Variants in CTNNA2 observed in about 807,000 individuals in gnomAD.
CTNNA2 encodes catenin alpha-2.
In CTNNA2, 42 loss-of-function variants were observed where a neutral mutation model predicts 101.0. The observed-to-expected ratio is 0.42, with a 90% CI of 0.32 to 0.54. CTNNA2 has a LOEUF of 0.54. CTNNA2 is among the 20% of genes least tolerant of loss of function. The probability of loss-of-function intolerance (pLI) is 0.14; values close to 1 mark genes in which losing one functional copy is unlikely to be tolerated. For missense variants in CTNNA2, 871 were observed against 1,223.1 expected, an observed-to-expected ratio of 0.71 and a Z score of 4.29; for synonymous variants, 450 against 456.4, an observed-to-expected ratio of 0.99 and a Z score of 0.18.
chr2:79,934,042 G>A (rs1242974254), intron 7 of CTNNA2, among the ~76,000 whole-genome samples: 1 of 152,108 alleles, frequency 6.6e-6, no homozygotes, highest in African/African-American at 2.4e-5. Flanking sequence ...GCACTAAGCT[G>A]TAACTATAAA....
At chr2:79,550,951 G>A (rs1266613914) in intron 1 of CTNNA2, among the ~76,000 whole-genome samples, 7 of 152,182 alleles carry the variant, frequency 4.6e-5, no homozygotes, top group Admixed American at 4.6e-4. Context: ...TCACCGAAGA[G>A]TGGAGGAATA....
At chr2:79,752,468 C>T (rs1469850846) in intron 3 of CTNNA2, among the ~76,000 whole-genome samples, 1 of 152,092 alleles carries the variant, frequency 6.6e-6, no homozygotes, top group African/African-American at 2.4e-5. Flanking sequence ...TTTCAGGAAG[C>T]CACAAGGGCA....
intron 1 of CTNNA2, among the ~76,000 whole-genome samples, chr2:79,192,028 G>A (rs76365881): frequency 0.016 from 2,474 of 152,206 alleles, 92 homozygotes; most frequent in East Asian, 0.1. Context: ...AGGGGATCCG[G>A]TCAAGGTGCG....
Position 80,604,184 on chromosome 2 carries a change from T to C in CTNNA2, c.2295+5T>C, listed in dbSNP as rs1256216436. On this transcript the variant is annotated splice_donor_5th_base_variant and intron_variant, in intron 16 of 18. Transcript: ENST00000402739. ...GCTCGTGCTGTGGCTGATCAGGTAA[T>C]AGAAGAGGGAAGGGTGGGCACATGC... 3 of 1,611,120 alleles carry C rather than the reference T, an allele frequency of 1.9e-6. No homozygotes were observed. The highest frequency in any genetic ancestry group is 2.5e-6 in the Non-Finnish European group (3 of 1,178,306).
intron 7 of CTNNA2, among the ~76,000 whole-genome samples, chr2:80,270,014 G>A (rs2149137320): frequency 6.6e-6 from 1 of 152,250 alleles, no homozygotes; most frequent in East Asian, 1.9e-4. Context: ...TATAATCAGC[G>A]CCATAAACCA....
intron 7 of CTNNA2, among the ~76,000 whole-genome samples, chr2:80,346,321 CA>C (rs1239046331): frequency 6.6e-6 from 1 of 152,024 alleles, no homozygotes; most frequent in Admixed American, 6.5e-5. Flanking sequence ...AGCTTTTACT[CA>C]TGGTAGAAGG....
At chr2:80,093,999 C>G (rs1699974191) in intron 7 of CTNNA2, among the ~76,000 whole-genome samples, 2 of 152,160 alleles carry the variant, frequency 1.3e-5, no homozygotes, top group East Asian at 1.9e-4. Flanking sequence ...TGCAGAAGCT[C>G]TTTAGTTTAA....
chr2:80,412,434 A>G (rs772239329), intron 8 of CTNNA2, among the ~76,000 whole-genome samples: 2 of 152,336 alleles, frequency 1.3e-5, no homozygotes, highest in Middle Eastern at 3.4e-3. Flanking sequence ...CCATGGCTAT[A>G]TAATGGAACA....
At chr2:79,743,855 A>T (rs1051388433) in intron 2 of CTNNA2, among the ~76,000 whole-genome samples, 1 of 152,196 alleles carries the variant, frequency 6.6e-6, no homozygotes, top group Non-Finnish European at 1.5e-5. Context: ...TTTTATTTGT[A>T]TAAGATAAAA....
chr2:80,090,187 TG>T (rs1699710392), intron 7 of CTNNA2, among the ~76,000 whole-genome samples: 1 of 143,922 alleles, frequency 6.9e-6, no homozygotes, highest in Non-Finnish European at 1.5e-5. Flanking sequence ...TGTGTGTGTG[TG>T]TTTGTGTGTA....
intron 2 of CTNNA2, among the ~76,000 whole-genome samples, chr2:79,271,154 T>G (rs1439211883): frequency 6.6e-6 from 1 of 152,048 alleles, no homozygotes; most frequent in Non-Finnish European, 1.5e-5. Flanking sequence ...ATAATAAATA[T>G]ATTCTCCCTT....
At chr2:79,460,860 G>A (rs958878870) in intron 4 of CTNNA2, among the ~76,000 whole-genome samples, 2 of 143,770 alleles carry the variant, frequency 1.4e-5, no homozygotes, top group African/African-American at 5.2e-5. Context: ...TTTTCTTTTC[G>A]AGACAGGGTC....
At chr2:79,375,006 A>T (rs1231767942) in intron 4 of CTNNA2, among the ~76,000 whole-genome samples, 1 of 152,148 alleles carries the variant, frequency 6.6e-6, no homozygotes, top group Non-Finnish European at 1.5e-5. Context: ...TAATGAAGTG[A>T]CGATTTTCAG....
intron 2 of CTNNA2, among the ~76,000 whole-genome samples, chr2:79,719,832 T>C (rs2104856006): frequency 6.6e-6 from 1 of 152,272 alleles, no homozygotes; most frequent in South Asian, 2.1e-4. Flanking sequence ...TTTTCTCCCA[T>C]TCTATTAGCT....
chr2:79,535,480 AG>A (rs938170641), intron 1 of CTNNA2, among the ~76,000 whole-genome samples: 87 of 152,118 alleles, frequency 5.7e-4, no homozygotes, highest in Admixed American at 1.3e-3. Flanking sequence ...CTAGGATTAC[AG>A]GGGTGAGCCA....
chr2:79,385,875 A>G (rs1262939325), intron 4 of CTNNA2, among the ~76,000 whole-genome samples: 4 of 152,102 alleles, frequency 2.6e-5, no homozygotes, highest in African/African-American at 4.8e-5. Flanking sequence ...GTTCTTTTTT[A>G]TGGCTACATA....
chr2:79,810,557 A>C (rs1453151301), intron 3 of CTNNA2, among the ~76,000 whole-genome samples: 1 of 145,988 alleles, frequency 6.8e-6, no homozygotes, highest in African/African-American at 2.5e-5. Flanking sequence ...TTTAAGTTTT[A>C]GGGTACATGT....
intron 3 of CTNNA2, among the ~76,000 whole-genome samples, chr2:79,792,766 A>T (rs1675385865): frequency 6.6e-6 from 1 of 152,216 alleles, no homozygotes; most frequent in African/African-American, 2.4e-5. Context: ...TAAAACAGAG[A>T]TGAGGATACT....
At chr2:80,445,356 A>G (rs1682982240) in intron 9 of CTNNA2, among the ~76,000 whole-genome samples, 1 of 151,464 alleles carries the variant, frequency 6.6e-6, no homozygotes, top group African/African-American at 2.4e-5. Flanking sequence ...TAAGTTTTGT[A>G]TTTTTTGTAG....
Sources: allele counts gnomAD v4.1 joint callset (sites outside exome capture counted in the v4.1 genomes callset), GRCh38; gene constraint gnomAD v4.1.1; transcripts MANE v1.5; gene names NCBI Gene and HGNC (gene_info 2026-07-23, HGNC 2026-07-21).